Variants in TBCE observed in about 807,000 individuals in gnomAD.
The protein encoded by TBCE is tubulin folding cofactor E.
In TBCE, 53 loss-of-function variants were observed where a neutral mutation model predicts 77.0. The observed-to-expected ratio is 0.69, with a 90% CI of 0.55 to 0.87. TBCE has a LOEUF of 0.87. Among genes scored for constraint, TBCE ranks in the 40% least tolerant of loss-of-function variants. The pLI, the probability that TBCE is intolerant of heterozygous loss-of-function variation, is 0.00. For missense variants in TBCE, 624 were observed against 622.4 expected (o/e 1.00, Z -0.03); for synonymous variants, 235 against 241.3 (o/e 0.97, Z 0.24).
At chr1:235,419,193 C>T (rs750010590) in intron 4 of TBCE, 67 of 483,058 alleles carry the variant, frequency 1.4e-4, no homozygotes, top group Non-Finnish European at 2.0e-4. Flanking sequence ...GGCAACACAA[C>T]GAGACTCTGG....
At chr1:235,401,237 CAA>C (rs1679083296) in intron 2 of TBCE, among the ~76,000 whole-genome samples, 1 of 152,020 alleles carries the variant, frequency 6.6e-6, no homozygotes, top group South Asian at 2.1e-4. Flanking sequence ...GTAATGTCCT[CAA>C]GGGTCAGTTT....
At position 235,435,820 on chromosome 1, in the gene TBCE, T is replaced by C. The variant is rs758340135; in HGVS notation, c.813T>C (p.Tyr271=). The change falls in exon 9 of 17, where the codon TAT becomes TAC. Residue 271 remains tyrosine (Y), a synonymous_variant. Coordinates refer to ENST00000642610, the MANE Select transcript of TBCE (RefSeq NM_003193.5). The stretch of plus-strand genomic sequence containing the variant: ...AATTAATTGATGAAAATCAGCTGTA[T>C]CTGATAGCCCACCTGCCCAGGTAAT... ...SNQLIDENQL[Y]LIAHLPRLEQ... is the part of the protein sequence containing the mutation. 45 of 1,614,052 alleles carry C rather than the reference T, an allele frequency of 2.8e-5. No homozygotes were observed. The highest frequency in any genetic ancestry group is 3.6e-5 in the Non-Finnish European group (43 of 1,180,024).
intron 1 of TBCE, among the ~76,000 whole-genome samples, chr1:235,375,114 G>A (rs1677215697): frequency 6.6e-6 from 1 of 151,342 alleles, no homozygotes; most frequent in Non-Finnish European, 1.5e-5. Context: ...TAGAGATGGG[G>A]TTTTGCTGTG....
chr1:235,397,892 C>A (rs907863385), intron 2 of TBCE, among the ~76,000 whole-genome samples: 7 of 152,162 alleles, frequency 4.6e-5, no homozygotes, highest in African/African-American at 1.7e-4. Context: ...ATACTGGTTT[C>A]TGTAGTTGCT....
Position 235,449,725 on chromosome 1 carries a change from C to T in TBCE, c.*963C>T, listed in dbSNP as rs1437857023. The T allele has an allele frequency of 2.0e-5, 3 of 153,124 alleles. No homozygotes were observed. Among genetic ancestry groups the T allele is most frequent in the Non-Finnish European group, 4.4e-5 (3 of 68,706 alleles). 9.5% of individuals were successfully genotyped at this position (153,124 alleles called of 1,614,324 possible). A position where few individuals can be genotyped will look rare whatever the true frequency, so the allele number is the denominator to read the frequency against. The stretch of plus-strand genomic sequence containing the variant: ...AACTTTGGTATAAGTGACCACTGCT[C>T]AAATATGTGATCACATGATCACACA... On this transcript the variant is annotated 3_prime_UTR_variant, in exon 17 of 17. Coordinates refer to ENST00000642610, the MANE Select transcript of TBCE (RefSeq NM_003193.5).
chr1:235,422,382 G>A (rs947291143), intron 5 of TBCE, among the ~76,000 whole-genome samples: 2 of 151,740 alleles, frequency 1.3e-5, no homozygotes, highest in African/African-American at 4.8e-5. Context: ...GTATGGTTAC[G>A]GACGCCTCTA....
chr1:235,379,058 C>T (rs1405302811), intron 1 of TBCE, among the ~76,000 whole-genome samples: 1 of 152,198 alleles, frequency 6.6e-6, no homozygotes, highest in East Asian at 1.9e-4. Context: ...GGTAGCTGCT[C>T]TTCTTTTTTC....
chr1:235,448,781 T>A lies in TBCE; in HGVS notation c.*19T>A. 6.5e-7 allele frequency: 1 copy of A among 1,529,160 alleles called. No individual in the cohort carries two copies. The highest frequency in any genetic ancestry group is 9.1e-7 in the Non-Finnish European group (1 of 1,103,326). 94.7% of individuals were successfully genotyped at this position (1,529,160 alleles called of 1,614,324 possible). Reference sequence around the variant, plus strand: ...ATGGTGACAACCAACTAATAAAATTTAAAGACCACACTGCTTATCGTGTCT... The same window carrying A: ...ATGGTGACAACCAACTAATAAAATTAAAAGACCACACTGCTTATCGTGTCT... On this transcript the variant is annotated 3_prime_UTR_variant, in exon 17 of 17. Transcript: ENST00000642610.
intron 9 of TBCE, 43 bp downstream of exon 9, chr1:235,435,883 T>G (rs1275065743): frequency 1.3e-6 from 2 of 1,538,152 alleles, no homozygotes; most frequent in African/African-American, 2.7e-5. Context: ...GTTCAGTCAA[T>G]TCTTAGTGAA....
rs778388930 is a variant in TBCE at position 235,450,409 on chromosome 1, C to G, written c.*1647C>G. 2.6e-6 allele frequency: 4 copies of G among 1,525,510 alleles called. No homozygotes were observed. The highest frequency in any genetic ancestry group is 1.7e-4 in the Middle Eastern group (1 of 5,890). The allele number at this position is 1,525,510 out of a possible 1,614,324, so 94.5% of individuals were successfully genotyped here. ...TTTTAAGAGCATCAGAAAGTATGCA[C>G]GTAGACAGCTTTTATGTATTCTAAT... On this transcript the variant is annotated 3_prime_UTR_variant, in exon 17 of 17. Transcript: ENST00000642610.
Position 235,437,384 on chromosome 1 carries a change from C to G in TBCE, c.1026C>G (p.Asn342Lys), listed in dbSNP as rs1478924801. The stretch of plus-strand genomic sequence containing the variant: ...TACGGGCTTTGTCCTGCCTAAGAAA[C>G]CCCCTGACCAAAGAGGACAAAGAAG... Reference protein sequence around the residue: ...PSLRALSCLRNPLTKEDKEAE... With the variant: ...PSLRALSCLRKPLTKEDKEAE... The change falls in exon 12 of 17, where the codon AAC (asparagine) becomes AAG (lysine). Residue 342 changes from asparagine (N) to lysine (K), a missense_variant. By Grantham distance (94) the Asn-to-Lys change is moderately conservative. Transcript: ENST00000642610. 6.2e-7 allele frequency: 1 copy of G among 1,613,948 alleles called. No individual in the cohort carries two copies. The highest frequency in any genetic ancestry group is 1.3e-5 in the African/African-American group (1 of 74,870).
At chr1:235,407,700 T>G (rs1440818824) in intron 3 of TBCE, among the ~76,000 whole-genome samples, 1 of 152,174 alleles carries the variant, frequency 6.6e-6, no homozygotes, top group Non-Finnish European at 1.5e-5. Context: ...TGACCCAGTT[T>G]CTGTAATCAA....
At chr1:235,409,266 C>A (rs1216040398) in intron 3 of TBCE, among the ~76,000 whole-genome samples, 1 of 152,054 alleles carries the variant, frequency 6.6e-6, no homozygotes, top group Non-Finnish European at 1.5e-5. Flanking sequence ...GAGGAAGGAA[C>A]CTGAACAGGC....
chr1:235,381,965 T>TC (rs1274713760), intron 2 of TBCE, among the ~76,000 whole-genome samples: 2 of 77,706 alleles, frequency 2.6e-5, no homozygotes, highest in African/African-American at 1.0e-4. Context: ...CCCTCCCCCC[T>TC]CCCCCCACCC....
At chr1:235,396,046 ATTTTCTTTTTCT>A in intron 2 of TBCE, among the ~76,000 whole-genome samples, 1 of 150,878 alleles carries the variant, frequency 6.6e-6, no homozygotes. Flanking sequence ...GTATGTGTTT[ATTTTCTTTTTCT>A]TTTTCTTTTT....
chr1:235,399,088 G>A (rs1678926379), intron 2 of TBCE, among the ~76,000 whole-genome samples: 1 of 151,960 alleles, frequency 6.6e-6, no homozygotes, highest in African/African-American at 2.4e-5. Context: ...TGGGTAGCTG[G>A]GATCACAGGC....
At chr1:235,431,612 C>T (rs963974398) in intron 7 of TBCE, among the ~76,000 whole-genome samples, 2 of 152,058 alleles carry the variant, frequency 1.3e-5, no homozygotes, top group African/African-American at 4.8e-5. Flanking sequence ...TTGCCCGCCT[C>T]GGCCTCCCAA....
chr1:235,441,571 G>T (rs1031050514), intron 13 of TBCE: 7 of 539,204 alleles, frequency 1.3e-5, no homozygotes, highest in Non-Finnish European at 2.3e-5. Context: ...AGTTTCACTG[G>T]TCATTAACAA....
chr1:235,369,209 G>A (rs1676744412), intron 1 of TBCE, among the ~76,000 whole-genome samples: 2 of 152,058 alleles, frequency 1.3e-5, no homozygotes, highest in Middle Eastern at 3.2e-3. Flanking sequence ...CATTTCACCT[G>A]GAGTGAAAGC....
Sources: allele counts gnomAD v4.1 joint callset (sites outside exome capture counted in the v4.1 genomes callset), GRCh38; gene constraint gnomAD v4.1.1; transcripts MANE v1.5; gene names NCBI Gene and HGNC (gene_info 2026-07-23, HGNC 2026-07-21).